GRID1: variants seen among roughly 807,000 people sequenced by gnomAD.
The protein encoded by GRID1 is glutamate ionotropic receptor delta type subunit 1.
GRID1 carries 28 observed loss-of-function variants against 98.0 expected under a neutral mutation model. The ratio of observed to expected loss-of-function variants is 0.29; its 90% CI spans 0.21 to 0.39. The LOEUF (loss-of-function observed/expected upper bound fraction) is 0.39. Ranked by LOEUF, GRID1 falls within the 10% of genes least tolerant of loss-of-function variation. GRID1 has a pLI of 1.00. For missense variants in GRID1, 1,111 were observed against 1,340.5 expected, an observed-to-expected ratio of 0.83 and a Z score of 2.67; for synonymous variants, 553 against 538.5, an observed-to-expected ratio of 1.03 and a Z score of -0.37.
chr10:85,924,322 T>G (rs750033612), intron 4 of GRID1, among the ~76,000 whole-genome samples: 23 of 152,214 alleles, frequency 1.5e-4, no homozygotes, highest in Non-Finnish European at 2.9e-4. Flanking sequence ...TGGTTAACAT[T>G]GTGCCATGCA....
At chr10:86,222,514 G>A (rs755723682) in intron 2 of GRID1, among the ~76,000 whole-genome samples, 5 of 152,186 alleles carry the variant, frequency 3.3e-5, no homozygotes, top group Non-Finnish European at 7.4e-5. Flanking sequence ...AACCATGCAT[G>A]TTGCAGGCCA....
At chr10:86,160,080 C>T (rs562614838) in intron 3 of GRID1, among the ~76,000 whole-genome samples, 1 of 152,178 alleles carries the variant, frequency 6.6e-6, no homozygotes, top group African/African-American at 2.4e-5. Flanking sequence ...ATCGTGTGAG[C>T]CAAAGCACAA....
intron 12 of GRID1, among the ~76,000 whole-genome samples, chr10:85,696,889 G>C (rs1841400887): frequency 6.6e-6 from 1 of 151,824 alleles, no homozygotes; most frequent in Non-Finnish European, 1.5e-5. Context: ...TAATACTTCA[G>C]TAATATTTTA....
chr10:86,343,339 T>A (rs746350468), intron 2 of GRID1, among the ~76,000 whole-genome samples: 1 of 152,224 alleles, frequency 6.6e-6, no homozygotes, highest in African/African-American at 2.4e-5. Context: ...AGAGATGGTA[T>A]GTTACTGGGA....
intron 12 of GRID1, among the ~76,000 whole-genome samples, chr10:85,714,089 A>G (rs557169398): frequency 6.6e-6 from 1 of 152,178 alleles, no homozygotes; most frequent in African/African-American, 2.4e-5. Flanking sequence ...AAAGAAGAAG[A>G]TAATATTCTT....
intron 8 of GRID1, among the ~76,000 whole-genome samples, chr10:85,730,026 G>A (rs1329753022): frequency 2.0e-5 from 3 of 152,220 alleles, no homozygotes; most frequent in Non-Finnish European, 2.9e-5. Context: ...CCCTCCATGG[G>A]TAGGATGAAG....
At chr10:86,260,851 A>C (rs1296397749) in intron 2 of GRID1, among the ~76,000 whole-genome samples, 1 of 152,250 alleles carries the variant, frequency 6.6e-6, no homozygotes, top group East Asian at 1.9e-4. Context: ...AGCTGATAAG[A>C]CAGCCGGTTC....
At chr10:86,060,402 T>C (rs1443466237) in intron 4 of GRID1, among the ~76,000 whole-genome samples, 1 of 152,188 alleles carries the variant, frequency 6.6e-6, no homozygotes, top group South Asian at 2.1e-4. Context: ...TGCCCAATTC[T>C]ACCCACAAGA....
chr10:85,901,129 A>G (rs1841378639), intron 5 of GRID1, among the ~76,000 whole-genome samples: 1 of 152,212 alleles, frequency 6.6e-6, no homozygotes, highest in Admixed American at 6.5e-5. Context: ...GTGTGTTTTT[A>G]TTTACTAAAG....
chr10:85,652,560 T>C (rs746992), intron 12 of GRID1, among the ~76,000 whole-genome samples: 1 of 152,098 alleles, frequency 6.6e-6, no homozygotes, highest in Admixed American at 6.5e-5. Flanking sequence ...GAAACTTTCA[T>C]AGCTACAGCC....
At chr10:85,826,762 T>C (rs1258697475) in intron 8 of GRID1, among the ~76,000 whole-genome samples, 1 of 151,972 alleles carries the variant, frequency 6.6e-6, no homozygotes, top group Admixed American at 6.6e-5. Context: ...ACACCTCAGT[T>C]CCTCCAGCAC....
intron 8 of GRID1, among the ~76,000 whole-genome samples, chr10:85,777,640 T>A (rs1842344369): frequency 6.6e-6 from 1 of 152,262 alleles, no homozygotes; most frequent in South Asian, 2.1e-4. Context: ...CATGATTTCA[T>A]GTAAAAGGAA....
intron 8 of GRID1, among the ~76,000 whole-genome samples, chr10:85,784,899 G>T (rs963704953): frequency 6.6e-6 from 1 of 152,134 alleles, no homozygotes; most frequent in African/African-American, 2.4e-5. Flanking sequence ...CACACAATTG[G>T]ACTGCATTTT....
At chr10:85,817,862 G>A (rs1359981953) in intron 8 of GRID1, among the ~76,000 whole-genome samples, 2 of 152,108 alleles carry the variant, frequency 1.3e-5, no homozygotes. Flanking sequence ...CTGCCCTCCA[G>A]CCTGAGTGAC....
chr10:85,969,347 C>A (rs1172206296), intron 4 of GRID1, among the ~76,000 whole-genome samples: 2 of 152,108 alleles, frequency 1.3e-5, no homozygotes, highest in African/African-American at 4.8e-5. Context: ...CTAGATTTAA[C>A]AGATATCTAT....
intron 4 of GRID1, among the ~76,000 whole-genome samples, chr10:85,986,797 A>G (rs1842613749): frequency 6.6e-6 from 1 of 152,202 alleles, no homozygotes; most frequent in African/African-American, 2.4e-5. Context: ...CTAGATACTG[A>G]AGATACTGCA....
chr10:85,614,855 C>T (rs1268542077), intron 14 of GRID1, among the ~76,000 whole-genome samples: 1 of 152,110 alleles, frequency 6.6e-6, no homozygotes, highest in African/African-American at 2.4e-5. Flanking sequence ...TGTCTGTAAC[C>T]CAGAAGTCTT....
At chr10:85,617,264 G>A (rs749220649) in intron 14 of GRID1, among the ~76,000 whole-genome samples, 2 of 143,720 alleles carry the variant, frequency 1.4e-5, no homozygotes, top group Admixed American at 7.2e-5. Context: ...ACAGGGTCAC[G>A]TTTTGTCACA....
intron 4 of GRID1, among the ~76,000 whole-genome samples, chr10:86,030,396 T>C (rs757289322): frequency 3.3e-5 from 5 of 152,234 alleles, no homozygotes; most frequent in Non-Finnish European, 7.3e-5. Flanking sequence ...CCAAATCCAA[T>C]ACCATTTATC....
Sources: allele counts gnomAD v4.1 joint callset (sites outside exome capture counted in the v4.1 genomes callset), GRCh38; gene constraint gnomAD v4.1.1; transcripts MANE v1.5; gene names NCBI Gene and HGNC (gene_info 2026-07-23, HGNC 2026-07-21).